PCDHA3: variants seen among roughly 807,000 people sequenced by gnomAD.
PCDHA3 encodes protocadherin alpha-3.
PCDHA3 carries 41 observed loss-of-function variants against 62.2 expected under a neutral mutation model. The ratio of observed to expected loss-of-function variants is 0.66; its 90% CI spans 0.51 to 0.86. The LOEUF (loss-of-function observed/expected upper bound fraction) is 0.86. Ranked by LOEUF, PCDHA3 falls within the 40% of genes least tolerant of loss-of-function variation. The probability of loss-of-function intolerance (pLI) is 0.00; values close to 1 mark genes in which losing one functional copy is unlikely to be tolerated. For missense variants in PCDHA3, 1,304 were observed against 1,241.2 expected (o/e 1.05, Z -0.76); for synonymous variants, 640 against 555.4 (o/e 1.15, Z -2.14).
At chr5:140,829,437 A>G in intron 1 of PCDHA3, 1 of 1,614,082 alleles carries the variant, frequency 6.2e-7, no homozygotes, top group Non-Finnish European at 8.5e-7. Flanking sequence ...GCCGACATGA[A>G]TGACAATGCT....
intron 1 of PCDHA3, chr5:140,807,583 G>A: frequency 1.9e-6 from 3 of 1,614,178 alleles, no homozygotes; most frequent in Non-Finnish European, 2.5e-6. Flanking sequence ...ACCCGCCGGT[G>A]TTCCCAGCAA....
At chr5:140,985,884 C>T (rs1263620553) in intron 3 of PCDHA3, among the ~76,000 whole-genome samples, 4 of 151,722 alleles carry the variant, frequency 2.6e-5, no homozygotes, top group East Asian at 3.9e-4. Context: ...GGACTACAGG[C>T]GCCCGCCACC....
At position 140,802,922 on chromosome 5, in the gene PCDHA3, C is replaced by T. The variant is rs1763062929; in HGVS notation, c.1725C>T (p.Gly575=). Residue 575 remains glycine (G), a synonymous_variant, in exon 1 of 4, where the codon GGC becomes GGT. Coordinates refer to ENST00000522353, the MANE Select transcript of PCDHA3 (RefSeq NM_018906.3). Reference sequence around the variant, plus strand: ...TGCCTCGGGTGGGTGGCATCGGTGGCGCAGTGAGCGAGCTGGTGCCGCGGT... The same window carrying T: ...TGCCTCGGGTGGGTGGCATCGGTGGTGCAGTGAGCGAGCTGGTGCCGCGGT... ...LLMPRVGGIG[G]AVSELVPRSV... The T allele has an allele frequency of 1.2e-6, 2 of 1,613,616 alleles. No homozygotes were observed. Among genetic ancestry groups the T allele is most frequent in the African/African-American group, 2.7e-5 (2 of 74,932 alleles).
intron 1 of PCDHA3, chr5:140,842,691 A>C: frequency 1.9e-6 from 3 of 1,595,350 alleles, no homozygotes; most frequent in Non-Finnish European, 2.6e-6. Flanking sequence ...GCGTTCGCGC[A>C]GCCCGAGTAC....
chr5:140,920,129 A>T lies in PCDHA3; in HGVS notation c.2395-58820A>T, dbSNP rs369489887. Among the ~76,000 whole-genome samples, 8 of 152,262 alleles carry T rather than the reference A, an allele frequency of 5.3e-5. No homozygotes were observed. The South Asian group carries it at 1.7e-3, about 32-fold the overall frequency. ...CAACCTTGCCAACATCTTGAGTTTT[A>T]ATTCTCCTCTCCAAACCTGGGAGAA... On this transcript the variant is annotated intron_variant, in intron 1 of 3. Transcript: ENST00000522353.
chr5:140,947,229 GA>G lies in PCDHA3; in HGVS notation c.2395-31711del, dbSNP rs201242412. On this transcript the variant is annotated intron_variant, in intron 1 of 3. Transcript: ENST00000522353. ...AAGAAAATCCTGTCATTTATGACAGGAAAAAAAAATAAGATAATCCAATGTA... is the reference window on the plus strand; with the variant it reads ...AAGAAAATCCTGTCATTTATGACAGGAAAAAAAATAAGATAATCCAATGTA... 1.0e-3 allele frequency among the ~76,000 whole-genome samples: 154 copies of G among 148,902 alleles called. 1 individual carries two copies. The highest frequency in any genetic ancestry group is 8.9e-3 in the Admixed American group (133 of 14,994).
At chr5:140,929,183 C>G (rs148631412) in intron 1 of PCDHA3, 1 of 1,614,144 alleles carries the variant, frequency 6.2e-7, no homozygotes, top group East Asian at 2.2e-5. Flanking sequence ...GGACTTGGTT[C>G]TGATAATAAC....
rs199940622 is a variant in PCDHA3, at chr5:140,870,517, C to T, written c.2394+66926C>T. ...GAAGGAGAACAACCCACCAGGCTGCCACATCTTCACAGTGTCGGCGCGGGA... is the reference window on the plus strand; with the variant it reads ...GAAGGAGAACAACCCACCAGGCTGCTACATCTTCACAGTGTCGGCGCGGGA... On this transcript the variant is annotated intron_variant, in intron 1 of 3. Coordinates refer to ENST00000522353, the MANE Select transcript of PCDHA3 (RefSeq NM_018906.3). The T allele has an allele frequency of 6.8e-6, 11 of 1,614,224 alleles. No homozygotes were observed. Among genetic ancestry groups the T allele is most frequent in the Non-Finnish European group, 9.3e-6 (11 of 1,180,048 alleles).
chr5:141,009,905 G>A lies in PCDHA3; in HGVS notation c.2821G>A (p.Gly941Arg), dbSNP rs781954349. The change falls in exon 4 of 4, where the codon GGG becomes AGG. Residue 941 changes from glycine (G) to arginine (R), a missense_variant. Physicochemically the swap from Gly to Arg is moderately radical, Grantham distance 125. Coordinates refer to ENST00000522353, the MANE Select transcript of PCDHA3 (RefSeq NM_018906.3). ...GNKTQEKKEK[G>R]NSTTDNSDQ Reference sequence around the variant, plus strand: ...CAAGACCCAGGAGAAAAAAGAGAAAGGGAACAGCACGACTGACAACAGTGA... The same window carrying A: ...CAAGACCCAGGAGAAAAAAGAGAAAAGGAACAGCACGACTGACAACAGTGA... 7.4e-6 allele frequency: 12 copies of A among 1,613,058 alleles called. No homozygotes were observed. Among genetic ancestry groups the A allele is most frequent in the Non-Finnish European group, 1.0e-5 (12 of 1,179,832 alleles).
chr5:141,009,562 C>G lies in PCDHA3; in HGVS notation c.2543-65C>G, dbSNP rs1469033090. On this transcript the variant is annotated intron_variant, in intron 3 of 3. Transcript: ENST00000522353. ...GCCTATGCAGTACTCCTGTACTCTA[C>G]CAGCAGTGTGGCATCAAGAGCATGT... The G allele has an allele frequency of 2.5e-6, 4 of 1,571,226 alleles. No individual in the cohort carries two copies. In the African/African-American group the frequency reaches 5.4e-5, roughly 21 times the overall value.
chr5:140,806,657 T>C (rs1398130058), intron 1 of PCDHA3, among the ~76,000 whole-genome samples: 1 of 151,884 alleles, frequency 6.6e-6, no homozygotes, highest in Non-Finnish European at 1.5e-5. Context: ...GTGTTATCAT[T>C]AATAAAAAAA....
chr5:140,967,901 A>T, intron 1 of PCDHA3: 2 of 1,614,142 alleles, frequency 1.2e-6, no homozygotes, highest in African/African-American at 1.3e-5. Context: ...TGAGAATGCT[A>T]CACCCAACAC....
At chr5:140,881,469 T>C (rs879988017) in intron 1 of PCDHA3, 3 of 570,626 alleles carry the variant, frequency 5.3e-6, no homozygotes, top group Non-Finnish European at 6.7e-6. Context: ...AGCATTGTTG[T>C]GGCTAAATTA....
At chr5:140,846,228 T>C (rs1397135837) in intron 1 of PCDHA3, among the ~76,000 whole-genome samples, 1 of 149,604 alleles carries the variant, frequency 6.7e-6, no homozygotes, top group Non-Finnish European at 1.5e-5. Flanking sequence ...AGTATTTTTC[T>C]TAAAAAGAAG....
At chr5:140,968,982 C>G in intron 1 of PCDHA3, 1 of 1,614,226 alleles carries the variant, frequency 6.2e-7, no homozygotes, top group Non-Finnish European at 8.5e-7. Flanking sequence ...GCGTATGGCA[C>G]TGCATGCTGT....
intron 1 of PCDHA3, among the ~76,000 whole-genome samples, chr5:140,954,531 G>A (rs564993313): frequency 4.6e-5 from 7 of 152,218 alleles, no homozygotes; most frequent in African/African-American, 1.4e-4. Context: ...GTGATGTTGA[G>A]GTTTTTTTCA....
Position 140,869,973 on chromosome 5 carries a change from C to T in PCDHA3, c.2394+66382C>T, listed in dbSNP as rs782664221. The stretch of plus-strand genomic sequence containing the variant: ...TGTCAATTAAGCCCAATGGAAGACA[C>T]TTATTTACACTAGATCAAAATAATG... On this transcript the variant is annotated intron_variant, in intron 1 of 3. Coordinates refer to ENST00000522353, the MANE Select transcript of PCDHA3 (RefSeq NM_018906.3). 3.0e-5 allele frequency: 48 copies of T among 1,613,102 alleles called. No individual in the cohort carries two copies. In the East Asian group the frequency reaches 1.0e-3, roughly 34 times the overall value.
chr5:140,808,219 C>T (rs782019485), intron 1 of PCDHA3: 1 of 1,614,194 alleles, frequency 6.2e-7, no homozygotes, highest in South Asian at 1.1e-5. Flanking sequence ...AAGACAACAA[C>T]GATAATGTCC....
In PCDHA3 at chr5:140,852,860, T is replaced by C. The variant is rs2150523334; in HGVS notation, c.2394+49269T>C. On this transcript the variant is annotated intron_variant, in intron 1 of 3. Transcript: ENST00000522353. ...GAGCTAGTACTTACTAAGCATTTAC[T>C]ATGTCATCAATAATCATAAAACGTA... is the stretch of plus-strand genomic sequence containing the variant. 26 of 961,500 alleles carry C rather than the reference T, an allele frequency of 2.7e-5. 2 individuals are homozygous for C. Among genetic ancestry groups the C allele is most frequent in the Admixed American group, 1.9e-4 (3 of 15,764 alleles). 59.6% of individuals were successfully genotyped at this position (961,500 alleles called of 1,614,324 possible).
Sources: gnomAD v4.1 joint callset for allele counts (sites outside exome capture counted in the v4.1 genomes callset) on GRCh38, gnomAD v4.1.1 for gene constraint, MANE v1.5 for transcripts, NCBI Gene and HGNC (gene_info 2026-07-23, HGNC 2026-07-21) for gene names.